TENM4: variants seen among roughly 807,000 people sequenced by gnomAD.
TENM4 encodes the protein teneurin-4.
In TENM4, 82 loss-of-function variants were observed where a neutral mutation model predicts 243.3. The observed-to-expected ratio is 0.34, with a 90% CI of 0.28 to 0.40. The LOEUF (loss-of-function observed/expected upper bound fraction) is 0.40, where lower values mean the gene tolerates loss of function less well. Ranked by LOEUF, TENM4 falls within the 10% of genes least tolerant of loss-of-function variation. The pLI is 1.00. For missense variants in TENM4, 3,138 were observed against 3,673.3 expected (o/e 0.85, Z 3.77); for synonymous variants, 1,412 against 1,456.3 (o/e 0.97, Z 0.69).
In TENM4 at chr11:79,196,586, C is replaced by T. The variant is rs549607926; in HGVS notation, c.-163+19222G>A. ...CCCGGCTGGTGCTGTTGATGGTAGC[C>T]GTTTGCCATTCCTATCATGGACAAG... On this transcript the variant is annotated intron_variant, in intron 3 of 33. Transcript: ENST00000278550. Among the ~76,000 whole-genome samples the T allele has an allele frequency of 2.3e-4, 35 of 152,190 alleles. No homozygotes were observed. In the South Asian group the frequency reaches 5.8e-3, roughly 25 times the overall value.
At chr11:79,086,961 A>G (rs959210162) in intron 4 of TENM4, among the ~76,000 whole-genome samples, 1 of 152,016 alleles carries the variant, frequency 6.6e-6, no homozygotes, top group Non-Finnish European at 1.5e-5. Flanking sequence ...ACCATTCTGT[A>G]CCTTTTTTTG....
intron 3 of TENM4, among the ~76,000 whole-genome samples, chr11:79,173,011 C>A (rs1160281423): frequency 6.6e-6 from 1 of 152,140 alleles, no homozygotes; most frequent in African/African-American, 2.4e-5. Context: ...GTAATTTTTC[C>A]AAAATGTAAA....
intron 1 of TENM4, among the ~76,000 whole-genome samples, chr11:79,325,424 C>T (rs1177393335): frequency 6.6e-6 from 1 of 152,124 alleles, no homozygotes; most frequent in Non-Finnish European, 1.5e-5. Context: ...CCAAAATTTC[C>T]CCTCTGCCTT....
At chr11:78,998,164 G>T (rs898092618) in intron 6 of TENM4, among the ~76,000 whole-genome samples, 3 of 152,170 alleles carry the variant, frequency 2.0e-5, no homozygotes, top group African/African-American at 7.2e-5. Flanking sequence ...TAGCTTATTT[G>T]CTCAGTGGTC....
At chr11:78,734,520 A>C (rs1316368769) in intron 20 of TENM4, among the ~76,000 whole-genome samples, 1 of 147,160 alleles carries the variant, frequency 6.8e-6, no homozygotes, top group Non-Finnish European at 1.5e-5. Context: ...CTCTCTTTCC[A>C]GCTTCTTATT....
intron 2 of TENM4, among the ~76,000 whole-genome samples, chr11:79,241,104 T>C (rs1396056499): frequency 6.6e-6 from 1 of 151,580 alleles, no homozygotes; most frequent in Non-Finnish European, 1.5e-5. Flanking sequence ...GAAGGCAGAA[T>C]GTATCTTTGA....
intron 6 of TENM4, among the ~76,000 whole-genome samples, chr11:78,984,650 A>G (rs1345606925): frequency 6.6e-6 from 1 of 152,116 alleles, no homozygotes; most frequent in Non-Finnish European, 1.5e-5. Flanking sequence ...TCTTCCTTCT[A>G]ATGCACCAAA....
chr11:78,735,244 T>C (rs1404267945), intron 20 of TENM4, among the ~76,000 whole-genome samples: 1 of 152,226 alleles, frequency 6.6e-6, no homozygotes, highest in Non-Finnish European at 1.5e-5. Flanking sequence ...ACCACCATCA[T>C]TCAATGACAG....
At chr11:78,858,176 G>A (rs966937232) in intron 10 of TENM4, among the ~76,000 whole-genome samples, 6 of 152,116 alleles carry the variant, frequency 3.9e-5, no homozygotes, top group African/African-American at 1.2e-4. Flanking sequence ...CTCAATGAGC[G>A]TATTTTTAGG....
At chr11:79,286,855 C>A (rs1856263886) in intron 2 of TENM4, among the ~76,000 whole-genome samples, 2 of 152,044 alleles carry the variant, frequency 1.3e-5, no homozygotes, top group South Asian at 2.1e-4. Context: ...TAAGATTGGA[C>A]CTCATTCTTA....
intron 15 of TENM4, 87 bp downstream of exon 15, chr11:78,805,205 G>A (rs909824868): frequency 7.6e-5 from 48 of 632,386 alleles, no homozygotes; most frequent in Non-Finnish European, 9.7e-5. Context: ...GCATTGCTAC[G>A]TGATTGGGAA....
At chr11:78,979,978 C>T (rs900125535) in intron 6 of TENM4, among the ~76,000 whole-genome samples, 9 of 152,130 alleles carry the variant, frequency 5.9e-5, no homozygotes, top group Non-Finnish European at 1.2e-4. Flanking sequence ...TGTGCTATTC[C>T]ACTTAATCCT....
chr11:78,964,489 C>G (rs1203656036), intron 6 of TENM4, among the ~76,000 whole-genome samples: 1 of 152,130 alleles, frequency 6.6e-6, no homozygotes, highest in East Asian at 1.9e-4. Flanking sequence ...CAAGGTACAA[C>G]CTCTGGGTGG....
At position 79,321,660 on chromosome 11, in the gene TENM4, A is replaced by AG. The variant is rs910667392; in HGVS notation, c.-320-24118_-320-24117insC. 5.7e-3 allele frequency among the ~76,000 whole-genome samples: 869 copies of AG among 151,300 alleles called. 12 individuals are homozygous for AG. The highest frequency in any genetic ancestry group is 0.02 in the African/African-American group (827 of 41,014). ...ATTACCAAAAAAAAAAAAAAAAAAAAAAAAGGGAGAGAGAACTTGGGACAT... is the reference window on the plus strand; with the variant it reads ...ATTACCAAAAAAAAAAAAAAAAAAAAGAAAAGGGAGAGAGAACTTGGGACAT... On this transcript the variant is annotated intron_variant, in intron 1 of 33. Coordinates refer to ENST00000278550, the MANE Select transcript of TENM4 (RefSeq NM_001098816.3).
At chr11:78,797,050 T>C (rs1324037560) in intron 15 of TENM4, among the ~76,000 whole-genome samples, 1 of 152,252 alleles carries the variant, frequency 6.6e-6, no homozygotes, top group East Asian at 1.9e-4. Context: ...AATGAAGTGC[T>C]ATCCAAAACC....
Position 79,051,514 on chromosome 11 carries a change from C to T in TENM4, c.493+13224G>A, listed in dbSNP as rs529708827. On this transcript the variant is annotated intron_variant, in intron 6 of 33. Transcript: ENST00000278550. The stretch of plus-strand genomic sequence containing the variant: ...CACTCAAGTAGTTCTATATTCCTGT[C>T]TCCATCAGGTAATATGACTAGGGTA... Among the ~76,000 whole-genome samples, 4 of 152,306 alleles carry T rather than the reference C, an allele frequency of 2.6e-5. No homozygotes were observed. In the South Asian group the frequency reaches 8.3e-4, roughly 32 times the overall value.
At chr11:79,308,942 A>G (rs955698503) in intron 1 of TENM4, among the ~76,000 whole-genome samples, 57 of 152,154 alleles carry the variant, frequency 3.7e-4, no homozygotes, top group African/African-American at 1.4e-3. Context: ...TGGGTATATC[A>G]GTAACAGGCA....
intron 3 of TENM4, among the ~76,000 whole-genome samples, chr11:79,153,591 A>G (rs1230714694): frequency 6.6e-6 from 1 of 152,112 alleles, no homozygotes; most frequent in Non-Finnish European, 1.5e-5. Flanking sequence ...CTTAACCTAG[A>G]AGGTGGCATG....
chr11:78,895,005 A>AGAAG (rs1555098076), intron 7 of TENM4, among the ~76,000 whole-genome samples: 1 of 118,016 alleles, frequency 8.5e-6, no homozygotes, highest in Non-Finnish European at 1.7e-5. Context: ...AAAAAAAAAA[A>AGAAG]AAGAAGACAA....
Sources: gnomAD v4.1 joint callset for allele counts (sites outside exome capture counted in the v4.1 genomes callset) on GRCh38, gnomAD v4.1.1 for gene constraint, MANE v1.5 for transcripts, NCBI Gene and HGNC (gene_info 2026-07-23, HGNC 2026-07-21) for gene names.